The following HERC6 variants were observed in gnomAD, a reference collection of about 807,000 sequenced individuals.
The protein encoded by HERC6 is probable E3 ubiquitin-protein ligase HERC6.
In HERC6, 101 loss-of-function variants were observed where a neutral mutation model predicts 114.5. That is an observed-to-expected ratio of 0.88 (90% CI 0.75 to 1.04). The LOEUF is 1.04. Among genes scored for constraint, HERC6 ranks in the 50% least tolerant of loss-of-function variants. The probability of loss-of-function intolerance (pLI) is 0.00; values close to 1 mark genes in which losing one functional copy is unlikely to be tolerated. For missense variants in HERC6, 1,133 were observed against 1,230.9 expected (o/e 0.92, Z 1.19); for synonymous variants, 408 against 436.2 (o/e 0.94, Z 0.81).
intron 16 of HERC6, among the ~76,000 whole-genome samples, chr4:88,429,792 A>G (rs190611815): frequency 6.6e-6 from 1 of 152,356 alleles, no homozygotes; most frequent in East Asian, 1.9e-4. Flanking sequence ...TTCTAGTTGT[A>G]TGTCTCCCTT....
chr4:88,420,166 C>G (rs905873917), intron 13 of HERC6, among the ~76,000 whole-genome samples: 2 of 152,152 alleles, frequency 1.3e-5, no homozygotes, highest in Non-Finnish European at 2.9e-5. Context: ...ACACCTCTTT[C>G]CCTGGCGCTT....
chr4:88,392,728 G>A (rs369423508), intron 4 of HERC6, among the ~76,000 whole-genome samples: 20 of 152,262 alleles, frequency 1.3e-4, no homozygotes, highest in African/African-American at 4.1e-4. Context: ...CTATGAGGAC[G>A]TCTTTCCAGT....
chr4:88,408,714 C>A, intron 11 of HERC6, 97 bp downstream of exon 11: 1 of 820,446 alleles, frequency 1.2e-6, no homozygotes, highest in Non-Finnish European at 2.0e-6. Flanking sequence ...TGTAATTGCC[C>A]GATGAGTTCT....
chr4:88,433,833 C>T (rs1263456930), intron 17 of HERC6, among the ~76,000 whole-genome samples: 1 of 152,146 alleles, frequency 6.6e-6, no homozygotes, highest in Non-Finnish European at 1.5e-5. Flanking sequence ...GCAGAAAGGA[C>T]AGGCAGGAGG....
At chr4:88,408,010 C>T (rs1735892806) in intron 10 of HERC6, among the ~76,000 whole-genome samples, 2 of 152,162 alleles carry the variant, frequency 1.3e-5, no homozygotes, top group Non-Finnish European at 2.9e-5. Context: ...ATAAGGGATT[C>T]AAAGAATCTA....
At chr4:88,382,412 C>T (rs1734369819) in intron 1 of HERC6, among the ~76,000 whole-genome samples, 2 of 152,090 alleles carry the variant, frequency 1.3e-5, no homozygotes, top group Non-Finnish European at 2.9e-5. Context: ...AGGTAGGCTC[C>T]CTTCCAATTT....
chr4:88,398,233 T>C, intron 8 of HERC6, 24 bp downstream of exon 8: 1 of 1,440,860 alleles, frequency 6.9e-7, no homozygotes, highest in Non-Finnish European at 9.4e-7. Context: ...TTTTTGTTCC[T>C]CTTAAAAATT....
chr4:88,396,398 A>G (rs1735231074), intron 6 of HERC6, among the ~76,000 whole-genome samples: 1 of 152,218 alleles, frequency 6.6e-6, no homozygotes, highest in African/African-American at 2.4e-5. Flanking sequence ...AGATTGATAA[A>G]AATAGCAGAG....
intron 13 of HERC6, among the ~76,000 whole-genome samples, chr4:88,420,637 T>C (rs1216293189): frequency 1.3e-5 from 2 of 152,158 alleles, no homozygotes; most frequent in Non-Finnish European, 2.9e-5. Flanking sequence ...TTTATTGAGA[T>C]ATAATTCTCT....
At chr4:88,415,642 CTT>C (rs975853848) in intron 12 of HERC6, among the ~76,000 whole-genome samples, 2 of 152,112 alleles carry the variant, frequency 1.3e-5, no homozygotes, top group African/African-American at 4.8e-5. Context: ...GGAAAAAAAA[CTT>C]TTAATTTTAA....
At chr4:88,383,619 C>G (rs951982580) in intron 2 of HERC6, among the ~76,000 whole-genome samples, 1 of 151,096 alleles carries the variant, frequency 6.6e-6, no homozygotes, top group South Asian at 2.1e-4. Flanking sequence ...GAAAATTAGC[C>G]GGGCATGGTG....
At chr4:88,423,019 C>G (rs944861769) in intron 13 of HERC6, among the ~76,000 whole-genome samples, 1 of 149,710 alleles carries the variant, frequency 6.7e-6, no homozygotes, top group Admixed American at 6.6e-5. Flanking sequence ...AATCTCATCA[C>G]AATCTGTAGT....
At chr4:88,382,914 A>C (rs1734390900) in intron 1 of HERC6, among the ~76,000 whole-genome samples, 1 of 152,154 alleles carries the variant, frequency 6.6e-6, no homozygotes, top group African/African-American at 2.4e-5. Flanking sequence ...CTAGGCTATG[A>C]TCAATCACTC....
rs368097614 is a variant in HERC6 at position 88,413,211 on chromosome 4, G to C, written c.1503G>C (p.Val501=). The C allele has an allele frequency of 6.2e-7, 1 of 1,613,052 alleles. No homozygotes were observed. The highest frequency in any genetic ancestry group is 1.1e-5 in the South Asian group (1 of 90,974). ...ATTCTAAGAACTGGAAGAACCTGGTGGTTCCATTTGCAAAGGCTGTGTGTG... is the reference window on the plus strand; with the variant it reads ...ATTCTAAGAACTGGAAGAACCTGGTCGTTCCATTTGCAAAGGCTGTGTGTG... The part of the protein sequence containing the change: ...MHDSKNWKNL[V]VPFAKAVCEM... Residue 501 remains valine, a synonymous_variant, in exon 12 of 23, where the codon GTG becomes GTC. Transcript: ENST00000264346.
At chr4:88,386,616 T>G (rs1175488995) in intron 3 of HERC6, among the ~76,000 whole-genome samples, 1 of 152,142 alleles carries the variant, frequency 6.6e-6, no homozygotes, top group African/African-American at 2.4e-5. Context: ...AAAAGGGAGT[T>G]TGGGCTTCAA....
intron 2 of HERC6, among the ~76,000 whole-genome samples, chr4:88,384,012 GCAAAA>G (rs1734453085): frequency 6.6e-6 from 1 of 152,020 alleles, no homozygotes; most frequent in Admixed American, 6.6e-5. Flanking sequence ...CATTTGAGCT[GCAAAA>G]GATACAGATA....
intron 1 of HERC6, among the ~76,000 whole-genome samples, chr4:88,381,236 G>A (rs1242512467): frequency 3.9e-5 from 6 of 152,088 alleles, no homozygotes; most frequent in Non-Finnish European, 8.8e-5. Flanking sequence ...TTCAGCGGCT[G>A]GGTCCTGCAA....
chr4:88,436,671 C>A (rs1738782116), intron 18 of HERC6, among the ~76,000 whole-genome samples: 1 of 152,092 alleles, frequency 6.6e-6, no homozygotes, highest in Non-Finnish European at 1.5e-5. Flanking sequence ...GGAAACAGCT[C>A]ATTTTTGTAA....
chr4:88,402,011 A>G (rs537321936), intron 8 of HERC6, among the ~76,000 whole-genome samples: 1 of 152,332 alleles, frequency 6.6e-6, no homozygotes, highest in South Asian at 2.1e-4. Flanking sequence ...CAAAAGAGTT[A>G]TAGGTGTGAT....
Sources: gnomAD v4.1 joint callset for allele counts (sites outside exome capture counted in the v4.1 genomes callset) on GRCh38, gnomAD v4.1.1 for gene constraint, MANE v1.5 for transcripts, NCBI Gene and HGNC (gene_info 2026-07-23, HGNC 2026-07-21) for gene names.